SEMA3E: variants seen among roughly 807,000 people sequenced by gnomAD.
The protein encoded by SEMA3E is semaphorin 3E.
A neutral mutation model predicts 93.6 loss-of-function variants in SEMA3E; 49 were observed. The observed-to-expected ratio is 0.52, with a 90% CI of 0.42 to 0.66. SEMA3E has a LOEUF of 0.66. Ranked by LOEUF, SEMA3E falls within the 30% of genes least tolerant of loss-of-function variation. The pLI, the probability that SEMA3E is intolerant of heterozygous loss-of-function variation, is 0.00. For missense variants in SEMA3E, 906 were observed against 964.8 expected, an observed-to-expected ratio of 0.94 and a Z score of 0.81; for synonymous variants, 363 against 330.7, an observed-to-expected ratio of 1.10 and a Z score of -1.06.
intron 1 of SEMA3E, among the ~76,000 whole-genome samples, chr7:83,604,528 A>ATG (rs112898834): frequency 0.22 from 32,031 of 145,930 alleles, 3,689 homozygotes; most frequent in East Asian, 0.37. Context: ...ATACATATAT[A>ATG]TGTATATATA....
chr7:83,376,946 G>A (rs17284969), intron 16 of SEMA3E, among the ~76,000 whole-genome samples: 18,327 of 151,834 alleles, frequency 0.12, 1,143 homozygotes, highest in East Asian at 0.15. Context: ...TTATAATGCT[G>A]GTCTTATGGG....
chr7:83,490,036 T>C, intron 2 of SEMA3E, 78 bp downstream of exon 2: 1 of 1,425,634 alleles, frequency 7.0e-7, no homozygotes, highest in South Asian at 1.2e-5. Flanking sequence ...TCAATACAAT[T>C]AAAAAAAAGA....
intron 1 of SEMA3E, among the ~76,000 whole-genome samples, chr7:83,639,984 G>A (rs1793971248): frequency 6.6e-6 from 1 of 152,002 alleles, no homozygotes; most frequent in African/African-American, 2.4e-5. Flanking sequence ...CAATCAGGAG[G>A]AGTAAACAGC....
intron 5 of SEMA3E, among the ~76,000 whole-genome samples, chr7:83,411,294 A>C (rs537959188): frequency 6.6e-6 from 1 of 152,260 alleles, no homozygotes; most frequent in South Asian, 2.1e-4. Context: ...CTCAGGACAG[A>C]GAAAATTGTG....
intron 2 of SEMA3E, among the ~76,000 whole-genome samples, chr7:83,474,276 C>T (rs1010829479): frequency 1.3e-5 from 2 of 151,866 alleles, no homozygotes; most frequent in African/African-American, 4.8e-5. Context: ...GGGAATTTAT[C>T]AAAGTGATGA....
At chr7:83,599,145 T>C (rs1311859083) in intron 1 of SEMA3E, among the ~76,000 whole-genome samples, 3 of 152,190 alleles carry the variant, frequency 2.0e-5, no homozygotes, top group African/African-American at 7.2e-5. Context: ...AAAGCCTTGG[T>C]AAAGTAGTAA....
At chr7:83,606,881 T>A (rs564631834) in intron 1 of SEMA3E, among the ~76,000 whole-genome samples, 1 of 152,316 alleles carries the variant, frequency 6.6e-6, no homozygotes, top group Admixed American at 6.5e-5. Flanking sequence ...TGAGATTTGC[T>A]AAAGTGAAGC....
intron 1 of SEMA3E, among the ~76,000 whole-genome samples, chr7:83,533,554 GATAAAATAAA>G (rs201440310): frequency 0.044 from 6,663 of 149,798 alleles, 369 homozygotes; most frequent in African/African-American, 0.13. Flanking sequence ...AATAAAATAC[GATAAAATAAA>G]ATAAAATAAA....
chr7:83,604,049 G>A (rs1032254150), intron 1 of SEMA3E, among the ~76,000 whole-genome samples: 1 of 152,028 alleles, frequency 6.6e-6, no homozygotes, highest in East Asian at 1.9e-4. Context: ...ATCCCTAATT[G>A]CATGGTTCTC....
chr7:83,542,936 C>A (rs1216519883), intron 1 of SEMA3E, among the ~76,000 whole-genome samples: 1 of 151,980 alleles, frequency 6.6e-6, no homozygotes, highest in Non-Finnish European at 1.5e-5. Context: ...GAATTTTAAA[C>A]AAAAGTCTTT....
intron 4 of SEMA3E, among the ~76,000 whole-genome samples, chr7:83,428,625 T>C (rs1235706552): frequency 6.6e-6 from 1 of 152,118 alleles, no homozygotes; most frequent in Non-Finnish European, 1.5e-5. Context: ...TATTAAAGGA[T>C]ATTTGAAACC....
At chr7:83,534,675 T>C (rs1275096852) in intron 1 of SEMA3E, among the ~76,000 whole-genome samples, 1 of 152,166 alleles carries the variant, frequency 6.6e-6, no homozygotes, top group Non-Finnish European at 1.5e-5. Flanking sequence ...AATAAAGTTG[T>C]ATTGATCACA....
chr7:83,567,907 G>A (rs1217905316), intron 1 of SEMA3E, among the ~76,000 whole-genome samples: 3 of 151,500 alleles, frequency 2.0e-5, no homozygotes, highest in African/African-American at 7.3e-5. Context: ...AAAGATCAGA[G>A]CAGAACTAAA....
intron 1 of SEMA3E, among the ~76,000 whole-genome samples, chr7:83,607,407 A>C (rs1793146886): frequency 6.6e-6 from 1 of 152,204 alleles, no homozygotes; most frequent in African/African-American, 2.4e-5. Flanking sequence ...TGTCTTGTAG[A>C]GGCTTTGCTT....
chr7:83,446,268 T>G (rs1479617168), intron 4 of SEMA3E, among the ~76,000 whole-genome samples: 1 of 152,176 alleles, frequency 6.6e-6, no homozygotes, highest in Non-Finnish European at 1.5e-5. Context: ...AATTAAGGGC[T>G]AAAAAAGATT....
chr7:83,399,331 T>C (rs895960948), intron 11 of SEMA3E, among the ~76,000 whole-genome samples: 4 of 152,184 alleles, frequency 2.6e-5, no homozygotes, highest in Non-Finnish European at 5.9e-5. Context: ...ATGGGTTAAT[T>C]GAAATTACAA....
intron 16 of SEMA3E, among the ~76,000 whole-genome samples, 167 bp from the exon 17 acceptor site, chr7:83,368,205 CTCTCTGTGTGTGTG>C (rs1176003151): frequency 2.3e-5 from 2 of 87,406 alleles, no homozygotes; most frequent in African/African-American, 6.3e-5. Context: ...CTCTCTCTCT[CTCTCTGTGTGTGTG>C]TGTGTGTGTG....
At chr7:83,642,174 A>G in intron 1 of SEMA3E, among the ~76,000 whole-genome samples, 1 of 152,192 alleles carries the variant, frequency 6.6e-6, no homozygotes, top group East Asian at 1.9e-4. Flanking sequence ...TTTAGGTACC[A>G]AGGATGGTAG....
intron 7 of SEMA3E, 62 bp from the exon 8 acceptor site, chr7:83,406,121 A>C: frequency 8.4e-7 from 1 of 1,190,202 alleles, no homozygotes; most frequent in Non-Finnish European, 1.3e-6. Flanking sequence ...CACAGATTTC[A>C]TATTATTAAA....
Sources: gnomAD v4.1 joint callset for allele counts (sites outside exome capture counted in the v4.1 genomes callset) on GRCh38, gnomAD v4.1.1 for gene constraint, MANE v1.5 for transcripts, NCBI Gene and HGNC (gene_info 2026-07-23, HGNC 2026-07-21) for gene names.